Variants in DTNB observed in about 807,000 individuals in gnomAD.
DTNB encodes the protein dystrobrevin beta.
DTNB carries 63 observed loss-of-function variants against 90.7 expected under a neutral mutation model. That is an observed-to-expected ratio of 0.69 (90% CI 0.57 to 0.86). The LOEUF (loss-of-function observed/expected upper bound fraction) is 0.86. DTNB is among the 40% of genes least tolerant of loss of function. The pLI, the probability that DTNB is intolerant of heterozygous loss-of-function variation, is 0.00. For missense variants in DTNB, 744 were observed against 807.1 expected, an observed-to-expected ratio of 0.92 and a Z score of 0.95; for synonymous variants, 277 against 286.7, an observed-to-expected ratio of 0.97 and a Z score of 0.34.
intron 18 of DTNB, 134 bp from the exon 19 acceptor site, chr2:25,384,023 G>C: frequency 6.5e-7 from 1 of 1,549,176 alleles, no homozygotes; most frequent in Admixed American, 1.9e-5. Flanking sequence ...CTCTGAGGGT[G>C]CTTCAGCTCA....
At chr2:25,417,595 G>C (rs1335958481) in intron 16 of DTNB, among the ~76,000 whole-genome samples, 1 of 152,172 alleles carries the variant, frequency 6.6e-6, no homozygotes, top group East Asian at 1.9e-4. Flanking sequence ...GGCACACGCA[G>C]AGAGAGATCA....
intron 1 of DTNB, among the ~76,000 whole-genome samples, chr2:25,666,467 A>G (rs2084468656): frequency 7.1e-6 from 1 of 140,338 alleles, no homozygotes; most frequent in East Asian, 2.0e-4. Context: ...AAAGATTAAA[A>G]TGCCCATTAT....
At chr2:25,662,123 G>A (rs2083300431) in intron 1 of DTNB, among the ~76,000 whole-genome samples, 1 of 150,414 alleles carries the variant, frequency 6.6e-6, no homozygotes, top group Non-Finnish European at 1.5e-5. Flanking sequence ...GTCACTGCAC[G>A]CCAGCCTGGG....
chr2:25,546,270 T>C (rs535519042), intron 8 of DTNB, among the ~76,000 whole-genome samples: 1 of 152,340 alleles, frequency 6.6e-6, no homozygotes, highest in African/African-American at 2.4e-5. Flanking sequence ...CTCTTGGTTC[T>C]CTCACAAGGT....
At chr2:25,439,577 T>G (rs888735386) in intron 12 of DTNB, among the ~76,000 whole-genome samples, 3 of 152,172 alleles carry the variant, frequency 2.0e-5, no homozygotes, top group Admixed American at 6.5e-5. Flanking sequence ...TCTGTAAATC[T>G]AAAACTTTTA....
At chr2:25,384,351 G>A (rs1292055794) in intron 18 of DTNB, among the ~76,000 whole-genome samples, 3 of 152,136 alleles carry the variant, frequency 2.0e-5, no homozygotes, top group Admixed American at 6.5e-5. Flanking sequence ...TAAAATGACC[G>A]CACAGTGCAA....
intron 11 of DTNB, among the ~76,000 whole-genome samples, chr2:25,452,530 C>T (rs1343562027): frequency 6.6e-6 from 1 of 152,170 alleles, no homozygotes; most frequent in Non-Finnish European, 1.5e-5. Flanking sequence ...TGTGGCTTAC[C>T]TCCACTTTGG....
chr2:25,403,758 T>C (rs1263691962), intron 16 of DTNB, among the ~76,000 whole-genome samples: 2 of 152,218 alleles, frequency 1.3e-5, no homozygotes, highest in Non-Finnish European at 2.9e-5. Context: ...ATATGTAACA[T>C]AGTGGTTAGA....
At chr2:25,596,327 A>G in intron 5 of DTNB, 87 bp from the exon 6 acceptor site, 1 of 1,353,168 alleles carries the variant, frequency 7.4e-7, no homozygotes, top group South Asian at 1.6e-5. Context: ...TACCAAACAA[A>G]AAGTATCATT....
intron 8 of DTNB, among the ~76,000 whole-genome samples, chr2:25,569,371 T>A (rs1278732858): frequency 6.6e-6 from 1 of 152,230 alleles, no homozygotes; most frequent in Admixed American, 6.5e-5. Context: ...AAGACTGATA[T>A]AACCTTGCAT....
intron 10 of DTNB, among the ~76,000 whole-genome samples, chr2:25,465,552 C>G (rs560900627): frequency 6.6e-6 from 1 of 152,152 alleles, no homozygotes; most frequent in South Asian, 2.1e-4. Context: ...TGCTGCCTCT[C>G]CAGCTGGTTT....
At chr2:25,413,177 C>T (rs2047011895) in intron 16 of DTNB, among the ~76,000 whole-genome samples, 1 of 151,954 alleles carries the variant, frequency 6.6e-6, no homozygotes, top group African/African-American at 2.4e-5. Flanking sequence ...TACTAATCAG[C>T]TTGGTGTTTG....
intron 1 of DTNB, among the ~76,000 whole-genome samples, chr2:25,666,206 T>C (rs1346104279): frequency 1.3e-5 from 2 of 152,166 alleles, no homozygotes; most frequent in African/African-American, 4.8e-5. Context: ...AACAAGTAAA[T>C]CATATACATC....
chr2:25,556,444 G>A (rs2057372073), intron 8 of DTNB, among the ~76,000 whole-genome samples: 1 of 151,830 alleles, frequency 6.6e-6, no homozygotes, highest in African/African-American at 2.4e-5. Flanking sequence ...AAGTTGGCTG[G>A]GCATAAAATG....
chr2:25,602,746 G>A (rs1044782857), intron 5 of DTNB, among the ~76,000 whole-genome samples: 1 of 152,154 alleles, frequency 6.6e-6, no homozygotes, highest in Non-Finnish European at 1.5e-5. Context: ...CATTGTGTTA[G>A]AACCCAGAGA....
At chr2:25,565,270 C>G (rs1350072519) in intron 8 of DTNB, among the ~76,000 whole-genome samples, 1 of 152,138 alleles carries the variant, frequency 6.6e-6, no homozygotes, top group African/African-American at 2.4e-5. Context: ...GGGTCTCACT[C>G]TGTCACCCAG....
At chr2:25,504,949 T>G (rs1356552822) in intron 9 of DTNB, among the ~76,000 whole-genome samples, 1 of 152,224 alleles carries the variant, frequency 6.6e-6, no homozygotes, top group East Asian at 1.9e-4. Context: ...ACTTTCCAAT[T>G]TCAAACTTAC....
At chr2:25,626,798 AAAG>A (rs1379899938) in intron 4 of DTNB, among the ~76,000 whole-genome samples, 3 of 152,234 alleles carry the variant, frequency 2.0e-5, no homozygotes, top group Admixed American at 2.0e-4. Flanking sequence ...GTATGAACTC[AAAG>A]AAGGTCTACA....
chr2:25,387,380 T>G lies in DTNB; in HGVS notation c.1736-2A>C, dbSNP rs1279871555. 6.2e-7 allele frequency: 1 copy of G among 1,610,722 alleles called. No homozygotes were observed. Among genetic ancestry groups the G allele is most frequent in the East Asian group, 2.2e-5 (1 of 44,844 alleles). ...CATTGCGGAGGTTTCTCCTCGTACC[T>G]GAGGAGAGGCAGAGCAGATGGGGAT... On this transcript the variant is annotated splice_acceptor_variant, in intron 17 of 20. Coordinates refer to ENST00000406818, the MANE Select transcript of DTNB (RefSeq NM_021907.5). LOFTEE classifies it high-confidence loss of function. The surrounding 1 kb of genome is among the most constrained non-coding windows in gnomAD (Gnocchi z 4.5).
Sources: allele counts gnomAD v4.1 joint callset (sites outside exome capture counted in the v4.1 genomes callset), GRCh38; gene constraint gnomAD v4.1.1; non-coding constraint Gnocchi (gnomAD v3.1); transcripts MANE v1.5; gene names NCBI Gene and HGNC (gene_info 2026-07-23, HGNC 2026-07-21).